Variants in NECAB1 observed in about 807,000 individuals in gnomAD.
NECAB1 encodes the protein N-terminal EF-hand calcium binding protein 1, also known as N-terminal EF-hand calcium-binding protein 1.
A neutral mutation model predicts 57.5 loss-of-function variants in NECAB1; 29 were observed. The ratio of observed to expected loss-of-function variants is 0.50; its 90% CI spans 0.38 to 0.69. NECAB1 has a LOEUF of 0.69. NECAB1 is among the 30% of genes least tolerant of loss of function. The pLI is 0.00. For missense variants in NECAB1, 372 were observed against 413.8 expected (o/e 0.90, Z 0.88); for synonymous variants, 142 against 147.7 (o/e 0.96, Z 0.28).
intron 9 of NECAB1, among the ~76,000 whole-genome samples, chr8:90,937,762 T>TA (rs1810571429): frequency 6.6e-6 from 1 of 152,236 alleles, no homozygotes; most frequent in Non-Finnish European, 1.5e-5. Flanking sequence ...CACATTGTTG[T>TA]TGTAATACAC....
chr8:90,889,348 T>C (rs895381568), intron 5 of NECAB1, among the ~76,000 whole-genome samples: 13 of 152,206 alleles, frequency 8.5e-5, no homozygotes, highest in Admixed American at 6.5e-5. Flanking sequence ...GAGATGTGGA[T>C]AGCGATCTTA....
chr8:90,803,422 A>T (rs1391881689), intron 2 of NECAB1, among the ~76,000 whole-genome samples: 1 of 151,940 alleles, frequency 6.6e-6, no homozygotes, highest in African/African-American at 2.4e-5. Context: ...CTATACTTTC[A>T]TTTCCTAGAC....
At chr8:90,865,190 G>A (rs964120217) in intron 3 of NECAB1, among the ~76,000 whole-genome samples, 1 of 152,046 alleles carries the variant, frequency 6.6e-6, no homozygotes, top group Non-Finnish European at 1.5e-5. Context: ...AAGGGAAGAA[G>A]TGCTCATCCC....
chr8:90,822,471 C>G (rs1386924303), intron 2 of NECAB1, among the ~76,000 whole-genome samples: 1 of 151,894 alleles, frequency 6.6e-6, no homozygotes, highest in Non-Finnish European at 1.5e-5. Flanking sequence ...AGCATACTTT[C>G]CACCCTTCAA....
Position 90,930,108 on chromosome 8 carries a change from C to T in NECAB1, c.693+1809C>T, listed in dbSNP as rs138450090. Among the ~76,000 whole-genome samples the T allele has an allele frequency of 2.3e-3, 351 of 152,104 alleles. 2 individuals carry two copies. The highest frequency in any genetic ancestry group is 8.1e-3 in the African/African-American group (336 of 41,500). On this transcript the variant is annotated intron_variant, in intron 8 of 12. Transcript: ENST00000417640. ...AAAACAAATGCAAAATGGGTTAAAA[C>T]AAGAAAAATGAGGCTCAGAGACACT... is the stretch of plus-strand genomic sequence containing the variant.
intron 5 of NECAB1, among the ~76,000 whole-genome samples, chr8:90,908,987 C>T (rs1019355586): frequency 6.6e-6 from 1 of 151,930 alleles, no homozygotes; most frequent in African/African-American, 2.4e-5. Flanking sequence ...ACAGTTTATC[C>T]GTTACAGAGC....
intron 5 of NECAB1, among the ~76,000 whole-genome samples, chr8:90,891,138 G>A (rs1035101446): frequency 6.6e-6 from 1 of 152,192 alleles, no homozygotes; most frequent in Non-Finnish European, 1.5e-5. Flanking sequence ...AGAAATTTGG[G>A]GAATACAGAG....
chr8:90,887,487 G>A (rs1218709267), intron 5 of NECAB1, among the ~76,000 whole-genome samples: 8 of 152,180 alleles, frequency 5.3e-5, no homozygotes, highest in Admixed American at 3.9e-4. Flanking sequence ...ATTTTTAACA[G>A]AAAAGACACA....
intron 5 of NECAB1, among the ~76,000 whole-genome samples, chr8:90,911,900 T>C (rs538138964): frequency 1.3e-5 from 2 of 152,332 alleles, no homozygotes; most frequent in East Asian, 3.9e-4. Context: ...GTGTGCCACA[T>C]GCTGTATTTA....
intron 6 of NECAB1, among the ~76,000 whole-genome samples, chr8:90,920,244 G>C (rs1810070667): frequency 6.6e-6 from 1 of 152,134 alleles, no homozygotes; most frequent in Admixed American, 6.6e-5. Flanking sequence ...TATTCCCCCT[G>C]AGAGGTTTAT....
intron 5 of NECAB1, among the ~76,000 whole-genome samples, chr8:90,912,264 A>C (rs1809848151): frequency 1.3e-5 from 2 of 152,180 alleles, no homozygotes; most frequent in African/African-American, 4.8e-5. Context: ...AAGTAGTCTT[A>C]TGTTCTTGTT....
intron 3 of NECAB1, among the ~76,000 whole-genome samples, chr8:90,837,163 G>A (rs141640884): frequency 0.012 from 1,850 of 152,288 alleles, 54 homozygotes; most frequent in Admixed American, 0.056. Context: ...TGTGCTGATC[G>A]CAGGGAGGTC....
intron 4 of NECAB1, among the ~76,000 whole-genome samples, chr8:90,878,728 G>A (rs1470105562): frequency 2.6e-5 from 4 of 151,932 alleles, no homozygotes; most frequent in Admixed American, 6.6e-5. Flanking sequence ...GTCTAGATAG[G>A]TGTCAGCTCT....
chr8:90,821,884 A>C (rs1812149440), intron 2 of NECAB1, among the ~76,000 whole-genome samples: 1 of 151,834 alleles, frequency 6.6e-6, no homozygotes, highest in African/African-American at 2.4e-5. Flanking sequence ...GCAAATGGCA[A>C]AACGTGTTAA....
chr8:90,923,859 A>T (rs1810192318), intron 6 of NECAB1, among the ~76,000 whole-genome samples: 1 of 152,200 alleles, frequency 6.6e-6, no homozygotes, highest in Admixed American at 6.6e-5. Flanking sequence ...GAAATATAAG[A>T]GATAAGGAAA....
chr8:90,860,059 T>C (rs1204908562), intron 3 of NECAB1, among the ~76,000 whole-genome samples: 1 of 152,082 alleles, frequency 6.6e-6, no homozygotes, highest in African/African-American at 2.4e-5. Flanking sequence ...CTGATAAATC[T>C]GACTTTGAAA....
chr8:90,877,484 C>A (rs142734240), intron 4 of NECAB1, among the ~76,000 whole-genome samples: 37 of 152,222 alleles, frequency 2.4e-4, no homozygotes, highest in African/African-American at 6.7e-4. Flanking sequence ...TAGATGAGAC[C>A]TTCTCAGTTA....
intron 1 of NECAB1, among the ~76,000 whole-genome samples, chr8:90,794,602 A>AT (rs1427115082): frequency 4.6e-5 from 7 of 152,350 alleles, no homozygotes; most frequent in East Asian, 1.9e-4. Context: ...CTAGAGACAG[A>AT]TTTTAACAAG....
rs543340082 is a variant in NECAB1, at chr8:90,862,698, A to C, written c.234-9430A>C. ...TGAATTTTTAAAATATAAGATCACT[A>C]ACAAGCCATATTTTGAGGGGATAAA... On this transcript the variant is annotated intron_variant, in intron 3 of 12. Transcript: ENST00000417640. Among the ~76,000 whole-genome samples, 3 of 150,520 alleles carry C rather than the reference A, an allele frequency of 2.0e-5. No individual in the cohort carries two copies. The South Asian group carries it at 6.3e-4, about 32-fold the overall frequency.
Sources: gnomAD v4.1 joint callset for allele counts (sites outside exome capture counted in the v4.1 genomes callset) on GRCh38, gnomAD v4.1.1 for gene constraint, MANE v1.5 for transcripts, NCBI Gene and HGNC (gene_info 2026-07-23, HGNC 2026-07-21) for gene names.